The following MYBPC2 variants were observed in gnomAD, a reference collection of about 807,000 sequenced individuals.
MYBPC2 encodes myosin-binding protein C, fast-type.
Under a neutral mutation model 137.0 loss-of-function variants are expected in MYBPC2, and 122 were observed. The ratio of observed to expected loss-of-function variants is 0.89; its 90% CI spans 0.77 to 1.03. The LOEUF (loss-of-function observed/expected upper bound fraction) is 1.03, where lower values mean the gene tolerates loss of function less well. Among genes scored for constraint, MYBPC2 ranks in the 50% least tolerant of loss-of-function variants. The probability of loss-of-function intolerance (pLI) is 0.00; values close to 1 mark genes in which losing one functional copy is unlikely to be tolerated. For synonymous variants in MYBPC2, 626 were observed against 612.3 expected, an observed-to-expected ratio of 1.02 and a Z score of -0.33; for missense variants, 1,500 against 1,534.4, an observed-to-expected ratio of 0.98 and a Z score of 0.37.
chr19:50,452,437 T>TA (rs58129171), intron 16 of MYBPC2, among the ~76,000 whole-genome samples: 2,664 of 144,950 alleles, frequency 0.018, 87 homozygotes, highest in African/African-American at 0.063. Context: ...CTATCTAATC[T>TA]ATCTATCTGT....
chr19:50,458,878 G>A (rs1428690130), intron 21 of MYBPC2, 40 bp from the exon 22 acceptor site: 11 of 1,366,350 alleles, frequency 8.1e-6, no homozygotes, highest in South Asian at 1.2e-5. Flanking sequence ...AATGCGCCCC[G>A]GCCCCCCGCT....
intron 13 of MYBPC2, 86 bp downstream of exon 13, chr19:50,448,476 T>C: frequency 4.8e-6 from 7 of 1,462,014 alleles, no homozygotes; most frequent in Non-Finnish European, 6.4e-6. Context: ...CCCCATTTAT[T>C]TTTTTTTTTG....
intron 7 of MYBPC2, among the ~76,000 whole-genome samples, 163 bp from the exon 8 acceptor site, chr19:50,440,717 A>C (rs2039745902): frequency 6.6e-6 from 1 of 151,774 alleles, no homozygotes; most frequent in African/African-American, 2.4e-5. Context: ...AGAGGTCAGA[A>C]GACCCCAGGA....
At chr19:50,437,612 G>A in intron 6 of MYBPC2, 47 bp from the exon 7 acceptor site, 1 of 1,592,718 alleles carries the variant, frequency 6.3e-7, no homozygotes, top group Non-Finnish European at 8.6e-7. Flanking sequence ...GAAGGCAAGG[G>A]GTGAATCTGA....
intron 26 of MYBPC2, among the ~76,000 whole-genome samples, chr19:50,463,226 G>A (rs554914395): frequency 5.9e-5 from 9 of 152,308 alleles, no homozygotes; most frequent in African/African-American, 1.9e-4. Flanking sequence ...ATAAATGTGC[G>A]TGGCTCGCGT....
intron 20 of MYBPC2, among the ~76,000 whole-genome samples, chr19:50,456,345 CATCT>C (rs1359450285): frequency 1.3e-5 from 2 of 148,750 alleles, no homozygotes; most frequent in African/African-American, 5.0e-5. Context: ...TCTGTCCATC[CATCT>C]GTCCATCCAT....
At position 50,464,567 on chromosome 19, in the gene MYBPC2, C is replaced by G. The variant is rs374984524; in HGVS notation, c.3415+35C>G. On this transcript the variant is annotated intron_variant, in intron 27 of 27. Coordinates refer to ENST00000357701, the MANE Select transcript of MYBPC2 (RefSeq NM_004533.4). ...TGGCCATCCCCAACACTGGCTGACCCTTGCTCGGGCCCTGTGCCAGCCTGG... is the reference window on the plus strand; with the variant it reads ...TGGCCATCCCCAACACTGGCTGACCGTTGCTCGGGCCCTGTGCCAGCCTGG... 10 of 1,561,434 alleles carry G rather than the reference C, an allele frequency of 6.4e-6. No individual in the cohort carries two copies. In the African/African-American group the frequency reaches 1.2e-4, roughly 19 times the overall value.
chr19:50,461,426 A>C lies in MYBPC2; in HGVS notation c.2932-116A>C, dbSNP rs2039970228. 1.7e-5 allele frequency: 19 copies of C among 1,125,082 alleles called. No individual in the cohort carries two copies. In the Admixed American group the frequency reaches 4.1e-4, roughly 24 times the overall value. The allele number at this position is 1,125,082 out of a possible 1,614,324, so 69.7% of individuals were successfully genotyped here. A position where few individuals can be genotyped will look rare whatever the true frequency, so the allele number is the denominator to read the frequency against. ...CACTGTGAGTAGTGCGCCATGAGTGACATTTTTTTAAACACTGGATGTGCT... is the reference window on the plus strand; with the variant it reads ...CACTGTGAGTAGTGCGCCATGAGTGCCATTTTTTTAAACACTGGATGTGCT... On this transcript the variant is annotated intron_variant, in intron 24 of 27. Transcript: ENST00000357701.
Position 50,448,205 on chromosome 19 carries a change from G to A in MYBPC2, c.1307-20G>A, listed in dbSNP as rs757934118. On this transcript the variant is annotated intron_variant, in intron 12 of 27. Transcript: ENST00000357701. ...CTGACTAGAGTAGTGACGGCTCCTT[G>A]TCTTTCTCTCCCTGACCAGAGAAAC... is the stretch of plus-strand genomic sequence containing the variant. The A allele has an allele frequency of 1.1e-5, 18 of 1,608,722 alleles. No homozygotes were observed. In the African/African-American group the frequency reaches 2.3e-4, roughly 20 times the overall value.
At chr19:50,433,952 G>C (rs1427145432) in intron 1 of MYBPC2, among the ~76,000 whole-genome samples, 1 of 152,184 alleles carries the variant, frequency 6.6e-6, no homozygotes, top group African/African-American at 2.4e-5. Context: ...GTGCATGCCT[G>C]TAGTCCCAGA....
At chr19:50,462,903 T>C (rs2039984154) in intron 26 of MYBPC2, among the ~76,000 whole-genome samples, 1 of 152,228 alleles carries the variant, frequency 6.6e-6, no homozygotes, top group Non-Finnish European at 1.5e-5. Flanking sequence ...CTCGGCAGCT[T>C]GAGGAGAGGA....
chr19:50,461,864 GATCAGTCGCCTTACGGGTGC>G lies in MYBPC2; in HGVS notation c.3092-32_3092-13del. 3 of 1,584,762 alleles carry G rather than the reference GATCAGTCGCCTTACGGGTGC, an allele frequency of 1.9e-6. No individual in the cohort carries two copies. The South Asian group carries it at 3.4e-5, about 18-fold the overall frequency. On this transcript the variant is annotated splice_polypyrimidine_tract_variant and intron_variant, in intron 25 of 27. Transcript: ENST00000357701. ...CTGGTTGGTGTCAGGGGAGAATCTA[GATCAGTCGCCTTACGGGTGC>G]ATCCTCTCTCCCCAGGAATCACCTT...
chr19:50,449,500 A>G (rs2039836828), intron 13 of MYBPC2, among the ~76,000 whole-genome samples: 1 of 152,234 alleles, frequency 6.6e-6, no homozygotes, highest in African/African-American at 2.4e-5. Flanking sequence ...CACTTCCGCC[A>G]TAGTCTGTTG....
In MYBPC2 at chr19:50,436,011, G is replaced by C; in HGVS notation, c.197-1G>C. 6.3e-7 allele frequency: 1 copy of C among 1,577,316 alleles called. No individual in the cohort carries two copies. Reference sequence around the variant, plus strand: ...TCTACCCTGTCACTCACCCCATGTAGGGAAGGACGCAGTGGTCGTGGCCAA... The same window carrying C: ...TCTACCCTGTCACTCACCCCATGTACGGAAGGACGCAGTGGTCGTGGCCAA... On this transcript the variant is annotated splice_acceptor_variant, in intron 3 of 27. Transcript: ENST00000357701. LOFTEE classifies it high-confidence loss of function.
chr19:50,436,265 C>T (rs888438512), intron 4 of MYBPC2, 105 bp downstream of exon 4: 22 of 1,465,158 alleles, frequency 1.5e-5, no homozygotes, highest in African/African-American at 2.8e-5. Flanking sequence ...GGCCTGGAGC[C>T]GGGATGGAGA....
At chr19:50,461,737 C>T (rs749875368) in intron 25 of MYBPC2, 36 bp downstream of exon 25, 5 of 1,611,012 alleles carry the variant, frequency 3.1e-6, no homozygotes, top group African/African-American at 2.7e-5. Flanking sequence ...AGGCCCACCC[C>T]GTCCACCCTC....
rs376375562 is a variant in MYBPC2 at position 50,435,253 on chromosome 19, G to A, written c.109+3G>A. On this transcript the variant is annotated splice_donor_region_variant and intron_variant, in intron 2 of 27. Transcript: ENST00000357701. The surrounding 1 kb of genome is among the most constrained non-coding windows in gnomAD (Gnocchi z 4.8). ...GGCTCCTGCAGAGGCCCCCAAAGGT[G>A]AGGAGGTGCTCCCTCGGGCTCAACC... The A allele has an allele frequency of 1.3e-5, 16 of 1,227,498 alleles. No individual in the cohort carries two copies. The highest frequency in any genetic ancestry group is 1.9e-5 in the Non-Finnish European group (16 of 841,624). The allele number at this position is 1,227,498 out of a possible 1,614,324, so 76.0% of individuals were successfully genotyped here.
In MYBPC2 at chr19:50,443,512, T is replaced by C. The variant is rs771260591; in HGVS notation, c.921T>C (p.Val307=). 6.2e-7 allele frequency: 1 copy of C among 1,613,356 alleles called. No individual in the cohort carries two copies. ...GAATCAGGTACGTGTTTGAGAACGT[T>C]GGTAAGAAGCGAATTCTTACCATCA... is the stretch of plus-strand genomic sequence containing the variant. ...KPSSKYVFEN[V]GKKRILTINK... is the part of the protein sequence containing the mutation. Residue 307 remains valine, a synonymous_variant, in exon 10 of 28, where the codon GTT becomes GTC. Transcript: ENST00000357701.
In MYBPC2 at chr19:50,435,312, G is replaced by T; in HGVS notation, c.109+62G>T. On this transcript the variant is annotated intron_variant, in intron 2 of 27. Transcript: ENST00000357701. This position sits in a 1 kb window ranked among gnomAD's most constrained non-coding sequence, Gnocchi z 4.8. ...TTCTCATCTCCATCCTCCTCGCTAC[G>T]CCTCTCCAGGCCTTTCCCCAGCCTC... 1 of 710,416 alleles carries T rather than the reference G, an allele frequency of 1.4e-6. No homozygotes were observed. Among genetic ancestry groups the T allele is most frequent in the South Asian group, 1.5e-5 (1 of 66,426 alleles). The allele number at this position is 710,416 out of a possible 1,614,324, so 44.0% of individuals were successfully genotyped here.
Sources: gnomAD v4.1 joint callset for allele counts (sites outside exome capture counted in the v4.1 genomes callset) on GRCh38, gnomAD v4.1.1 for gene constraint, Gnocchi (gnomAD v3.1) non-coding constraint, MANE v1.5 for transcripts, NCBI Gene and HGNC (gene_info 2026-07-23, HGNC 2026-07-21) for gene names.